Variants in SWT1 observed in about 807,000 individuals in gnomAD.
The protein encoded by SWT1 is transcriptional protein SWT1.
A neutral mutation model predicts 107.3 loss-of-function variants in SWT1; 33 were observed. That is an observed-to-expected ratio of 0.31 (90% CI 0.23 to 0.41). SWT1 has a LOEUF of 0.41. Ranked by LOEUF, SWT1 falls within the 10% of genes least tolerant of loss-of-function variation. The pLI, the probability that SWT1 is intolerant of heterozygous loss-of-function variation, is 1.00. For missense variants in SWT1, 898 were observed against 1,028.9 expected, an observed-to-expected ratio of 0.87 and a Z score of 1.74; for synonymous variants, 345 against 348.3, an observed-to-expected ratio of 0.99 and a Z score of 0.11.
chr1:185,251,949 C>T (rs1296160919), intron 16 of SWT1, among the ~76,000 whole-genome samples: 1 of 151,650 alleles, frequency 6.6e-6, no homozygotes, highest in African/African-American at 2.4e-5. Context: ...CCCCCCTCCA[C>T]CCACCCCACA....
Position 185,283,406 on chromosome 1 carries a change from T to TATC in SWT1, c.2573+6740_2573+6742dup, listed in dbSNP as rs1664758945. On this transcript the variant is annotated intron_variant, in intron 18 of 18. Coordinates refer to ENST00000367500, the MANE Select transcript of SWT1 (RefSeq NM_017673.7). ...ATCCAGGATGGTAAATTAAGGAGAT[T>TATC]ATCAAACATTACCAAACAAATATCT... 7.9e-5 allele frequency among the ~76,000 whole-genome samples: 12 copies of TATC among 152,326 alleles called. No individual in the cohort carries two copies. In the South Asian group the frequency reaches 2.3e-3, roughly 29 times the overall value.
At chr1:185,188,640 A>T (rs1656694088) in intron 9 of SWT1, among the ~76,000 whole-genome samples, 1 of 152,338 alleles carries the variant, frequency 6.6e-6, no homozygotes, top group South Asian at 2.1e-4. Flanking sequence ...ACCGTATATA[A>T]GTATTTATTG....
chr1:185,166,430 G>A (rs1484747149), intron 2 of SWT1, 142 bp from the exon 3 acceptor site: 2 of 541,690 alleles, frequency 3.7e-6, no homozygotes, highest in African/African-American at 3.9e-5. Flanking sequence ...ACCAAAGTTT[G>A]TGTATCTGTA....
At chr1:185,230,732 G>T (rs1041579337) in intron 15 of SWT1, among the ~76,000 whole-genome samples, 11 of 149,532 alleles carry the variant, frequency 7.4e-5, no homozygotes, top group Non-Finnish European at 1.3e-4. Flanking sequence ...TTGGTGTTTT[G>T]TGTGTGTGTG....
chr1:185,255,943 G>A (rs923637627), intron 16 of SWT1, among the ~76,000 whole-genome samples: 10 of 151,742 alleles, frequency 6.6e-5, no homozygotes, highest in Non-Finnish European at 1.2e-4. Flanking sequence ...CATGTTTAGC[G>A]CTTCCTTCAG....
intron 15 of SWT1, among the ~76,000 whole-genome samples, chr1:185,225,303 G>A (rs187089389): frequency 6.6e-6 from 1 of 152,172 alleles, no homozygotes; most frequent in Admixed American, 6.5e-5. Flanking sequence ...ATGTGTGGTT[G>A]GATTCAGTTT....
chr1:185,257,619 A>G (rs7512245), intron 16 of SWT1, among the ~76,000 whole-genome samples: 69,872 of 152,050 alleles, frequency 0.46, 18,227 homozygotes, highest in African/African-American at 0.72. Flanking sequence ...AAGTGAGGCA[A>G]TGCCTCGCCC....
At chr1:185,208,803 C>T (rs1437131897) in intron 13 of SWT1, among the ~76,000 whole-genome samples, 2 of 147,788 alleles carry the variant, frequency 1.4e-5, no homozygotes, top group Non-Finnish European at 1.5e-5. Flanking sequence ...AAAAAGGATT[C>T]TAATCTAGGA....
At chr1:185,167,159 C>T (rs942273130) in intron 3 of SWT1, among the ~76,000 whole-genome samples, 1 of 152,158 alleles carries the variant, frequency 6.6e-6, no homozygotes, top group Non-Finnish European at 1.5e-5. Context: ...CTGCCCGCCT[C>T]AGCCTCCCAG....
At chr1:185,273,360 G>A (rs1423924345) in intron 17 of SWT1, among the ~76,000 whole-genome samples, 2 of 146,002 alleles carry the variant, frequency 1.4e-5, no homozygotes, top group East Asian at 2.1e-4. Context: ...AGCCGAGATT[G>A]CACCACTGCA....
At chr1:185,243,464 T>C (rs753716996) in intron 16 of SWT1, among the ~76,000 whole-genome samples, 1 of 152,132 alleles carries the variant, frequency 6.6e-6, no homozygotes. Context: ...TAAATAACTT[T>C]TAGCACCTCA....
intron 14 of SWT1, among the ~76,000 whole-genome samples, chr1:185,220,130 C>T (rs1270087760): frequency 3.0e-5 from 3 of 98,378 alleles, no homozygotes; most frequent in Non-Finnish European, 5.6e-5. Flanking sequence ...CAGAATGAGA[C>T]CCTGTCTCAA....
intron 4 of SWT1, among the ~76,000 whole-genome samples, chr1:185,170,252 G>A (rs779796875): frequency 1.4e-4 from 21 of 152,272 alleles, no homozygotes; most frequent in Middle Eastern, 3.4e-3. Context: ...ACACTTCTGC[G>A]TTATTGTTCC....
chr1:185,193,800 A>G (rs891784361), intron 10 of SWT1, among the ~76,000 whole-genome samples: 1 of 152,136 alleles, frequency 6.6e-6, no homozygotes, highest in Non-Finnish European at 1.5e-5. Flanking sequence ...CTGTGAAAGG[A>G]GTATTGAAGT....
intron 5 of SWT1, among the ~76,000 whole-genome samples, chr1:185,177,988 G>A (rs1457840396): frequency 6.6e-6 from 1 of 152,148 alleles, no homozygotes; most frequent in African/African-American, 2.4e-5. Context: ...ATGATTATTA[G>A]CCTCAAGAAG....
intron 4 of SWT1, among the ~76,000 whole-genome samples, chr1:185,169,271 C>G (rs1397139771): frequency 6.7e-6 from 1 of 148,596 alleles, no homozygotes; most frequent in Non-Finnish European, 1.5e-5. Flanking sequence ...GCCTTTTACA[C>G]TGATATCCTT....
intron 14 of SWT1, among the ~76,000 whole-genome samples, chr1:185,215,012 A>G (rs1659105877): frequency 6.6e-6 from 1 of 152,214 alleles, no homozygotes; most frequent in South Asian, 2.1e-4. Flanking sequence ...TACAGATGTC[A>G]ACACTGTCTG....
rs534506031 is a variant in SWT1, at chr1:185,185,495, A to G, written c.1429+564A>G. Among the ~76,000 whole-genome samples the G allele has an allele frequency of 4.6e-5, 7 of 152,262 alleles. No homozygotes were observed. In the East Asian group the frequency reaches 1.2e-3, roughly 25 times the overall value. ...TATATAATTTGCTGGAAAAATATCT[A>G]TATATAAAGGAACACTTATTTCTGT... On this transcript the variant is annotated intron_variant, in intron 9 of 18. Coordinates refer to ENST00000367500, the MANE Select transcript of SWT1 (RefSeq NM_017673.7).
At chr1:185,273,795 TATA>T (rs1469009402) in intron 17 of SWT1, among the ~76,000 whole-genome samples, 1 of 152,228 alleles carries the variant, frequency 6.6e-6, no homozygotes, top group Non-Finnish European at 1.5e-5. Context: ...AAATGATTCA[TATA>T]ATTATTTCAT....
Sources: gnomAD v4.1 joint callset for allele counts (sites outside exome capture counted in the v4.1 genomes callset) on GRCh38, gnomAD v4.1.1 for gene constraint, MANE v1.5 for transcripts, NCBI Gene and HGNC (gene_info 2026-07-23, HGNC 2026-07-21) for gene names.